Variants in RGS7 observed in about 807,000 individuals in gnomAD.
RGS7 encodes the protein regulator of G protein signaling 7.
A neutral mutation model predicts 81.1 loss-of-function variants in RGS7; 27 were observed. The observed-to-expected ratio is 0.33, with a 90% CI of 0.25 to 0.46. The LOEUF (loss-of-function observed/expected upper bound fraction) is 0.46. Ranked by LOEUF, RGS7 falls within the 20% of genes least tolerant of loss-of-function variation. The pLI, the probability that RGS7 is intolerant of heterozygous loss-of-function variation, is 1.00. For synonymous variants in RGS7, 208 were observed against 207.7 expected, an observed-to-expected ratio of 1.00 and a Z score of -0.01; for missense variants, 396 against 607.4, an observed-to-expected ratio of 0.65 and a Z score of 3.66.
chr1:240,840,474 C>T (rs1657733141), intron 9 of RGS7, among the ~76,000 whole-genome samples: 1 of 152,132 alleles, frequency 6.6e-6, no homozygotes, highest in African/African-American at 2.4e-5. Flanking sequence ...AGGGTTTCAC[C>T]ATGTTGGCCA....
intron 3 of RGS7, among the ~76,000 whole-genome samples, chr1:240,986,262 C>T (rs995938703): frequency 1.3e-5 from 2 of 152,154 alleles, no homozygotes; most frequent in African/African-American, 4.8e-5. Context: ...CAAAAACAAA[C>T]AAGCAGAATT....
chr1:240,863,800 T>C (rs563487102), intron 9 of RGS7, among the ~76,000 whole-genome samples: 3 of 152,242 alleles, frequency 2.0e-5, no homozygotes, highest in Admixed American at 6.5e-5. Context: ...CACCTATAAA[T>C]ACAGCTATTT....
chr1:241,044,922 C>A (rs536098390), intron 3 of RGS7, among the ~76,000 whole-genome samples: 2 of 152,092 alleles, frequency 1.3e-5, no homozygotes, highest in East Asian at 3.9e-4. Flanking sequence ...TGTTTTAACT[C>A]TTTTTTCCCT....
intron 3 of RGS7, among the ~76,000 whole-genome samples, chr1:241,038,873 A>C (rs1411435907): frequency 6.6e-6 from 1 of 152,186 alleles, no homozygotes; most frequent in African/African-American, 2.4e-5. Context: ...AGGCTGAGGC[A>C]GGAGAATCAC....
At chr1:241,159,117 C>CT (rs760181130) in intron 2 of RGS7, among the ~76,000 whole-genome samples, 1 of 152,168 alleles carries the variant, frequency 6.6e-6, no homozygotes, top group Non-Finnish European at 1.5e-5. Flanking sequence ...TGTTTTTTAT[C>CT]TTTTACATTG....
At chr1:240,966,568 T>A (rs1436876780) in intron 4 of RGS7, among the ~76,000 whole-genome samples, 2 of 152,160 alleles carry the variant, frequency 1.3e-5, no homozygotes, top group African/African-American at 4.8e-5. Flanking sequence ...GAGCTACTAT[T>A]TGCTCATAAA....
chr1:241,042,756 A>C (rs1053889164), intron 3 of RGS7, among the ~76,000 whole-genome samples: 7 of 152,090 alleles, frequency 4.6e-5, no homozygotes, highest in African/African-American at 1.7e-4. Flanking sequence ...CTTGGCCAAG[A>C]TGGTGAAACC....
intron 3 of RGS7, among the ~76,000 whole-genome samples, chr1:241,009,906 C>T (rs966969881): frequency 1.3e-5 from 2 of 152,068 alleles, no homozygotes; most frequent in African/African-American, 4.8e-5. Flanking sequence ...AAGCTGGAAA[C>T]CATCATTCTC....
At chr1:241,149,321 C>T (rs1248154061) in intron 2 of RGS7, among the ~76,000 whole-genome samples, 1 of 152,128 alleles carries the variant, frequency 6.6e-6, no homozygotes, top group East Asian at 1.9e-4. Flanking sequence ...CATGTGCCAC[C>T]ACGCCCAGAT....
rs183389515 is a variant in RGS7, at chr1:240,980,484, G to C, written c.226+2595C>G. Among the ~76,000 whole-genome samples, 299 of 152,132 alleles carry C rather than the reference G, an allele frequency of 2.0e-3. 3 individuals carry two copies. The highest frequency in any genetic ancestry group is 6.6e-4 in the Non-Finnish European group (45 of 67,990). ...GCACACAAGACAGAAACTAGGCATG[G>C]GTTTCTTTCTTATTTTAAAACATCT... On this transcript the variant is annotated intron_variant, in intron 4 of 18. Coordinates refer to ENST00000440928, the MANE Select transcript of RGS7 (RefSeq NM_001364886.1).
At chr1:241,356,781 G>A (rs942221680) in intron 1 of RGS7, 118 bp downstream of exon 1, 8 of 149,278 alleles carry the variant, frequency 5.4e-5, no homozygotes, top group African/African-American at 1.9e-4. Flanking sequence ...GGCTCCCGGG[G>A]GCGGCCGCCC....
intron 2 of RGS7, among the ~76,000 whole-genome samples, chr1:241,338,619 C>G (rs1319605565): frequency 1.3e-5 from 2 of 151,924 alleles, no homozygotes; most frequent in African/African-American, 4.8e-5. Context: ...GACAACCTTT[C>G]CAGGCTTTCA....
At chr1:240,912,002 T>A (rs890541684) in intron 6 of RGS7, among the ~76,000 whole-genome samples, 1 of 146,848 alleles carries the variant, frequency 6.8e-6, no homozygotes, top group Non-Finnish European at 1.5e-5. Context: ...AAAAAAAAAA[T>A]TAGCCAGGCG....
chr1:241,186,802 C>T (rs2072162705), intron 2 of RGS7, among the ~76,000 whole-genome samples: 1 of 152,052 alleles, frequency 6.6e-6, no homozygotes, highest in South Asian at 2.1e-4. Flanking sequence ...GCTGAGATTA[C>T]AGGCGTGAGC....
At chr1:241,303,845 T>C (rs138617877) in intron 2 of RGS7, among the ~76,000 whole-genome samples, 51 of 152,312 alleles carry the variant, frequency 3.3e-4, no homozygotes, top group African/African-American at 1.2e-3. Context: ...AATTGGTCAT[T>C]AGATTTAGTG....
At chr1:241,281,680 C>G (rs577758004) in intron 2 of RGS7, among the ~76,000 whole-genome samples, 2 of 152,310 alleles carry the variant, frequency 1.3e-5, no homozygotes, top group East Asian at 3.9e-4. Context: ...TTGATATATA[C>G]AGCATGGCAC....
At chr1:240,979,338 A>G (rs946784851) in intron 4 of RGS7, among the ~76,000 whole-genome samples, 1 of 152,236 alleles carries the variant, frequency 6.6e-6, no homozygotes, top group Non-Finnish European at 1.5e-5. Flanking sequence ...AAAGACCCAC[A>G]TATAATAATA....
At chr1:240,919,504 C>T (rs1441169026) in intron 6 of RGS7, 1 of 174,148 alleles carries the variant, frequency 5.7e-6, no homozygotes, top group Non-Finnish European at 1.2e-5. Flanking sequence ...GCAGAGAAAT[C>T]ATTTGCCAAA....
In RGS7 at chr1:240,799,407, A is replaced by G. The variant is rs114765650; in HGVS notation, c.*6+1234T>C. ...GGTGGTTGCTCTTCTTGGTCTAGTG[A>G]AATCCTGCAAATTCAGTTAAATGTA... is the stretch of plus-strand genomic sequence containing the variant. On this transcript the variant is annotated intron_variant, in intron 18 of 18. Coordinates refer to ENST00000440928, the MANE Select transcript of RGS7 (RefSeq NM_001364886.1). 4.6e-3 allele frequency among the ~76,000 whole-genome samples: 697 copies of G among 150,884 alleles called. 5 individuals carry two copies. The highest frequency in any genetic ancestry group is 0.016 in the African/African-American group (659 of 41,282).
Sources: gnomAD v4.1 joint callset for allele counts (sites outside exome capture counted in the v4.1 genomes callset) on GRCh38, gnomAD v4.1.1 for gene constraint, MANE v1.5 for transcripts, NCBI Gene and HGNC (gene_info 2026-07-23, HGNC 2026-07-21) for gene names.